POU2F2: variants seen among roughly 807,000 people sequenced by gnomAD.
The protein encoded by POU2F2 is POU domain, class 2, transcription factor 2.
Under a neutral mutation model 63.5 loss-of-function variants are expected in POU2F2, and 14 were observed. That is an observed-to-expected ratio of 0.22 (90% confidence interval 0.15 to 0.34). POU2F2 has a LOEUF of 0.34. POU2F2 is among the 10% of genes least tolerant of loss of function. The pLI, the probability that POU2F2 is intolerant of heterozygous loss-of-function variation, is 1.00. For missense variants in POU2F2, 607 were observed against 815.2 expected, an observed-to-expected ratio of 0.74 and a Z score of 3.11; for synonymous variants, 306 against 348.6, an observed-to-expected ratio of 0.88 and a Z score of 1.36.
At chr19:42,181,730 G>A (rs2034963157) in intron 1 of POU2F2, among the ~76,000 whole-genome samples, 1 of 152,052 alleles carries the variant, frequency 6.6e-6, no homozygotes, top group Non-Finnish European at 1.5e-5. Flanking sequence ...GGGATTACAG[G>A]CGCATGCCAC....
chr19:42,137,867 GA>G (rs1414209184), intron 2 of POU2F2, among the ~76,000 whole-genome samples: 1 of 152,248 alleles, frequency 6.6e-6, no homozygotes, highest in African/African-American at 2.4e-5. Context: ...AATGGGAACA[GA>G]GGAGGCGATG....
At chr19:42,131,769 T>C (rs1315815413) in intron 1 of POU2F2, among the ~76,000 whole-genome samples, 2 of 152,012 alleles carry the variant, frequency 1.3e-5, no homozygotes, top group Non-Finnish European at 2.9e-5. Flanking sequence ...AGTGACAGGA[T>C]CAGTGCCAGT....
At chr19:42,136,186 CTT>C (rs775409108), upstream of POU2F2, among the ~76,000 whole-genome samples, 19 of 130,420 alleles carry the variant, frequency 1.5e-4, no homozygotes, top group Admixed American at 2.4e-4. Flanking sequence ...CTATGCTTTC[CTT>C]TTTTTTTTTT....
upstream of POU2F2, chr19:42,136,995 T>C (rs2034028204): frequency 6.6e-6 from 1 of 152,160 alleles, no homozygotes; most frequent in African/African-American, 2.4e-5. Flanking sequence ...AGATCTAAAA[T>C]CTGACCTCAA....
Position 42,096,946 on chromosome 19 carries a change from C to T in POU2F2, c.568-703G>A, listed in dbSNP as rs913450044. Among the ~76,000 whole-genome samples the T allele has an allele frequency of 6.6e-6, 1 of 151,018 alleles. No homozygotes were observed. The highest frequency in any genetic ancestry group is 1.5e-5 in the Non-Finnish European group (1 of 67,886). ...ACTCAGTTTTGCTGTGAATCTAAAACAGCTCTTAAGAAATTAAGTCCTAAG... is the reference window on the plus strand; with the variant it reads ...ACTCAGTTTTGCTGTGAATCTAAAATAGCTCTTAAGAAATTAAGTCCTAAG... On this transcript the variant is annotated intron_variant, in intron 7 of 14. Coordinates refer to ENST00000692977, the MANE Select transcript of POU2F2 (RefSeq NM_001394376.1). The surrounding 1 kb of genome is among the most constrained non-coding windows in gnomAD (Gnocchi z 4.1).
At chr19:42,118,009 C>G (rs2032146698) in intron 4 of POU2F2, among the ~76,000 whole-genome samples, 1 of 152,112 alleles carries the variant, frequency 6.6e-6, no homozygotes, top group Non-Finnish European at 1.5e-5. Flanking sequence ...ACTGCAGCTT[C>G]TACCTCCCAG....
At chr19:42,128,513 T>C (rs2033403253) in intron 1 of POU2F2, among the ~76,000 whole-genome samples, 1 of 152,182 alleles carries the variant, frequency 6.6e-6, no homozygotes, top group Non-Finnish European at 1.5e-5. Context: ...TTGTCTTTTC[T>C]CTTTCCACCT....
rs1444825244 is a variant in POU2F2, at chr19:42,087,687, G to A, written c.*3570C>T. ...CCCTTAAGTAGGAGGTCAGGGTTGG[G>A]GAGAAGAGAAATTCAGAGGGCTCCC... On this transcript the variant is annotated 3_prime_UTR_variant, in exon 15 of 15. Coordinates refer to ENST00000692977, the MANE Select transcript of POU2F2 (RefSeq NM_001394376.1). 6.6e-6 allele frequency: 1 copy of A among 151,522 alleles called. No individual in the cohort carries two copies. The highest frequency in any genetic ancestry group is 1.5e-5 in the Non-Finnish European group (1 of 67,910). The allele number at this position is 151,522 out of a possible 1,614,324, so 9.4% of individuals were successfully genotyped here. A position where few individuals can be genotyped will look rare whatever the true frequency, so the allele number is the denominator to read the frequency against.
chr19:42,188,174 G>A (rs1217113097), intron 1 of POU2F2, among the ~76,000 whole-genome samples: 8 of 151,934 alleles, frequency 5.3e-5, no homozygotes, highest in Admixed American at 5.2e-4. Flanking sequence ...AGACCAGCCT[G>A]GGCAACATAG....
At chr19:42,190,237 T>C (rs2146825759) in intron 1 of POU2F2, among the ~76,000 whole-genome samples, 1 of 152,154 alleles carries the variant, frequency 6.6e-6, no homozygotes, top group East Asian at 1.9e-4. Context: ...AATATGGGTG[T>C]GGCTACATGA....
At chr19:42,111,252 G>A (rs1361159648) in intron 5 of POU2F2, among the ~76,000 whole-genome samples, 2 of 151,888 alleles carry the variant, frequency 1.3e-5, no homozygotes, top group East Asian at 3.9e-4. Flanking sequence ...CAAGTAGCTT[G>A]GGGGCTATGG....
At chr19:42,176,849 GCCCGCCCGGCT>G (rs1021575545), upstream of POU2F2, among the ~76,000 whole-genome samples, 112 of 151,752 alleles carry the variant, frequency 7.4e-4, no homozygotes, top group East Asian at 3.3e-3. Context: ...AGTGAGCGGC[GCCCGCCCGGCT>G]CCCGCCCGGC....
intron 2 of POU2F2, 64 bp from the exon 3 acceptor site, chr19:42,122,442 C>T: frequency 6.2e-7 from 1 of 1,609,892 alleles, no homozygotes; most frequent in Non-Finnish European, 8.5e-7. Flanking sequence ...CCCCTCCCAG[C>T]TCTCTTCCCA....
chr19:42,150,106 C>A (rs1171374586), intron 2 of POU2F2, among the ~76,000 whole-genome samples: 3 of 152,092 alleles, frequency 2.0e-5, no homozygotes, highest in Non-Finnish European at 4.4e-5. Context: ...CAGGCTTTGG[C>A]TATCCTGACT....
At chr19:42,135,131 G>A (rs2033977542), upstream of POU2F2, among the ~76,000 whole-genome samples, 1 of 152,124 alleles carries the variant, frequency 6.6e-6, no homozygotes, top group African/African-American at 2.4e-5. Flanking sequence ...CTTGCTCTGT[G>A]AGGGAACCCA....
In POU2F2 at chr19:42,092,368, C is replaced by T. The variant is rs902739330; in HGVS notation, c.1265-98G>A. On this transcript the variant is annotated intron_variant, in intron 12 of 14. Coordinates refer to ENST00000692977, the MANE Select transcript of POU2F2 (RefSeq NM_001394376.1). The surrounding 1 kb of genome is among the most constrained non-coding windows in gnomAD (Gnocchi z 5.0). ...CCTACTTGTCCTCCCGCCCAGCTCA[C>T]GCAGCATCTCCTCAGTCAGAACAGC... 3.0e-5 allele frequency: 27 copies of T among 906,502 alleles called. No individual in the cohort carries two copies. Among genetic ancestry groups the T allele is most frequent in the Non-Finnish European group, 4.4e-5 (25 of 563,590 alleles). The allele number at this position is 906,502 out of a possible 1,614,324, so 56.2% of individuals were successfully genotyped here. A position where few individuals can be genotyped will look rare whatever the true frequency, so the allele number is the denominator to read the frequency against.
chr19:42,197,075 C>T (rs187261443), upstream of POU2F2, among the ~76,000 whole-genome samples: 516 of 152,312 alleles, frequency 3.4e-3, 5 homozygotes, highest in African/African-American at 0.012. Context: ...AGAATTTAGC[C>T]CAGTAATTGG....
intron 2 of POU2F2, among the ~76,000 whole-genome samples, chr19:42,151,071 T>G (rs913896770): frequency 2.0e-4 from 30 of 152,170 alleles, no homozygotes; most frequent in African/African-American, 6.8e-4. Context: ...CCTGGCCCCC[T>G]GCTCACTCCC....
intron 1 of POU2F2, among the ~76,000 whole-genome samples, chr19:42,172,035 C>A (rs978165330): frequency 6.6e-6 from 1 of 152,200 alleles, no homozygotes; most frequent in Non-Finnish European, 1.5e-5. Flanking sequence ...GCAGCTGAGC[C>A]TCCACAGACA....
Sources: gnomAD v4.1 joint callset for allele counts (sites outside exome capture counted in the v4.1 genomes callset) on GRCh38, gnomAD v4.1.1 for gene constraint, Gnocchi (gnomAD v3.1) non-coding constraint, MANE v1.5 for transcripts, NCBI Gene and HGNC (gene_info 2026-07-23, HGNC 2026-07-21) for gene names.